ARHGAP31: variants seen among roughly 807,000 people sequenced by gnomAD.
ARHGAP31 encodes the protein Rho GTPase activating protein 31, also known as rho GTPase-activating protein 31.
Under a neutral mutation model 113.9 loss-of-function variants are expected in ARHGAP31, and 34 were observed. The ratio of observed to expected loss-of-function variants is 0.30; its 90% confidence interval spans 0.23 to 0.40. The LOEUF (loss-of-function observed/expected upper bound fraction) is 0.40. ARHGAP31 is among the 10% of genes least tolerant of loss of function. The pLI, the probability that ARHGAP31 is intolerant of heterozygous loss-of-function variation, is 1.00. For synonymous variants in ARHGAP31, 650 were observed against 684.8 expected (o/e 0.95, Z 0.79); for missense variants, 1,548 against 1,767.1 (o/e 0.88, Z 2.22).
chr3:119,333,963 A>G (rs1282205575), intron 1 of ARHGAP31, among the ~76,000 whole-genome samples: 2 of 152,210 alleles, frequency 1.3e-5, no homozygotes, highest in Non-Finnish European at 2.9e-5. Flanking sequence ...GTTATCACCA[A>G]CAGTCTCAGA....
At chr3:119,304,074 G>A (rs1216757312) in intron 1 of ARHGAP31, among the ~76,000 whole-genome samples, 2 of 152,150 alleles carry the variant, frequency 1.3e-5, no homozygotes, top group Admixed American at 6.5e-5. Flanking sequence ...GATTACAGGT[G>A]TAAGCCACCG....
chr3:119,356,180 A>T (rs1357136638), intron 1 of ARHGAP31, among the ~76,000 whole-genome samples: 1 of 152,246 alleles, frequency 6.6e-6, no homozygotes, highest in Non-Finnish European at 1.5e-5. Flanking sequence ...TACAGTGAGA[A>T]GTCTCTCTCT....
intron 1 of ARHGAP31, among the ~76,000 whole-genome samples, chr3:119,326,044 T>TTCATTTTTAGTAGTCTC (rs1480165075): frequency 6.6e-6 from 1 of 151,874 alleles, no homozygotes; most frequent in Non-Finnish European, 1.5e-5. Context: ...TGCAAAACAT[T>TTCATTTTTAGTAGTCTC]AGCCGGGCGT....
chr3:119,391,962 A>G (rs2080508866), intron 7 of ARHGAP31, among the ~76,000 whole-genome samples: 1 of 152,112 alleles, frequency 6.6e-6, no homozygotes, highest in African/African-American at 2.4e-5. Context: ...CTGATCCTCC[A>G]GAGATCAGGA....
intron 1 of ARHGAP31, among the ~76,000 whole-genome samples, chr3:119,346,520 TAGACTGTA>T (rs1401087174): frequency 1.3e-5 from 2 of 152,234 alleles, no homozygotes; most frequent in African/African-American, 4.8e-5. Flanking sequence ...TTGAACTAAC[TAGACTGTA>T]AACTGAGGTT....
intron 1 of ARHGAP31, chr3:119,314,579 G>A (rs557130196): frequency 6.6e-6 from 1 of 152,652 alleles, no homozygotes; most frequent in South Asian, 2.1e-4. Context: ...GGTGGAGGTG[G>A]AGGAGTGTGT....
In ARHGAP31 at chr3:119,335,914, T is replaced by C. The variant is rs1185466767; in HGVS notation, c.101-29402T>C. ...CTGGCCAGGAGCGGTAGCTCAAGCC[T>C]GTAATCCCAGCATTTTGGGAGGCCA... On this transcript the variant is annotated intron_variant, in intron 1 of 11. Transcript: ENST00000264245. 3.9e-5 allele frequency among the ~76,000 whole-genome samples: 6 copies of C among 152,328 alleles called. No individual in the cohort carries two copies. In the East Asian group the frequency reaches 1.2e-3, roughly 29 times the overall value.
chr3:119,394,617 T>C (rs1017989281), intron 8 of ARHGAP31, among the ~76,000 whole-genome samples: 26 of 151,816 alleles, frequency 1.7e-4, no homozygotes, highest in African/African-American at 6.3e-4. Flanking sequence ...ACAAATGCAG[T>C]GAGCAAACTT....
rs570903049 is a variant in ARHGAP31, at chr3:119,362,635, G to A, written c.101-2681G>A. Among the ~76,000 whole-genome samples, 10 of 152,182 alleles carry A rather than the reference G, an allele frequency of 6.6e-5. No individual in the cohort carries two copies. In the East Asian group the frequency reaches 1.7e-3, roughly 27 times the overall value. The stretch of plus-strand genomic sequence containing the variant: ...ATACAAAAATTAGCTGGGCATGGTG[G>A]CAGGCACCTGTAATCCCTTCTACTC... On this transcript the variant is annotated intron_variant, in intron 1 of 11. Transcript: ENST00000264245.
At chr3:119,384,827 C>G (rs6789366) in intron 6 of ARHGAP31, among the ~76,000 whole-genome samples, 63,515 of 151,970 alleles carry the variant, frequency 0.42, 13,558 homozygotes, top group East Asian at 0.62. Flanking sequence ...TTTCCTCCCC[C>G]ACAGGCCCTG....
At chr3:119,397,248 T>C (rs904552103) in intron 8 of ARHGAP31, among the ~76,000 whole-genome samples, 5 of 152,158 alleles carry the variant, frequency 3.3e-5, no homozygotes, top group Non-Finnish European at 7.3e-5. Flanking sequence ...GCTGCTGTGC[T>C]CCGCAAGGCC....
At chr3:119,309,700 C>T (rs1380507980) in intron 1 of ARHGAP31, among the ~76,000 whole-genome samples, 1 of 152,030 alleles carries the variant, frequency 6.6e-6, no homozygotes, top group African/African-American at 2.4e-5. Flanking sequence ...GTCAAAGCCG[C>T]AGTGAGCTGT....
At chr3:119,295,616 C>T (rs1159042382) in intron 1 of ARHGAP31, among the ~76,000 whole-genome samples, 1 of 152,080 alleles carries the variant, frequency 6.6e-6, no homozygotes, top group East Asian at 1.9e-4. Flanking sequence ...AAGACCTTTT[C>T]CCTCCTCTTG....
intron 1 of ARHGAP31, 148 bp downstream of exon 1, chr3:119,295,152 T>C: frequency 1.4e-6 from 1 of 696,094 alleles, no homozygotes; most frequent in South Asian, 1.8e-5. Flanking sequence ...TTTTTTTTTT[T>C]AAAGAACATA....
At chr3:119,300,979 C>G (rs926845949) in intron 1 of ARHGAP31, among the ~76,000 whole-genome samples, 11 of 152,156 alleles carry the variant, frequency 7.2e-5, no homozygotes, top group African/African-American at 2.4e-4. Context: ...TTTAGAGGGG[C>G]ATCTCCGCAT....
intron 1 of ARHGAP31, among the ~76,000 whole-genome samples, chr3:119,298,046 A>G (rs568708033): frequency 6.6e-6 from 1 of 152,238 alleles, no homozygotes; most frequent in African/African-American, 2.4e-5. Flanking sequence ...ATCCAGGACC[A>G]ATTTTCCCCC....
intron 11 of ARHGAP31, among the ~76,000 whole-genome samples, chr3:119,411,984 G>A (rs2080720576): frequency 1.3e-5 from 2 of 152,162 alleles, no homozygotes; most frequent in Non-Finnish European, 2.9e-5. Context: ...AGGTGAGAAG[G>A]GACGAGAGGT....
At chr3:119,314,908 T>C (rs1289062401) in intron 1 of ARHGAP31, 1 of 152,214 alleles carries the variant, frequency 6.6e-6, no homozygotes, top group Non-Finnish European at 1.5e-5. Flanking sequence ...TATTTACTGA[T>C]AGGCAGTGAA....
intron 1 of ARHGAP31, among the ~76,000 whole-genome samples, chr3:119,309,020 T>C (rs2079655134): frequency 6.6e-6 from 1 of 152,074 alleles, no homozygotes; most frequent in South Asian, 2.1e-4. Flanking sequence ...TTCTGTATTG[T>C]TTGTAGAGAC....
Sources: gnomAD v4.1 joint callset for allele counts (sites outside exome capture counted in the v4.1 genomes callset) on GRCh38, gnomAD v4.1.1 for gene constraint, MANE v1.5 for transcripts, NCBI Gene and HGNC (gene_info 2026-07-23, HGNC 2026-07-21) for gene names.